The following BICDL1 variants were observed in gnomAD, a reference collection of about 807,000 sequenced individuals.
BICDL1 encodes the protein BICD family like cargo adaptor 1.
A neutral mutation model predicts 76.8 loss-of-function variants in BICDL1; 20 were observed. The observed-to-expected ratio is 0.26, with a 90% confidence interval of 0.18 to 0.38. The LOEUF (loss-of-function observed/expected upper bound fraction) is 0.38, where lower values mean the gene tolerates loss of function less well. Among genes scored for constraint, BICDL1 ranks in the 10% least tolerant of loss-of-function variants. The probability of loss-of-function intolerance (pLI) is 1.00; values close to 1 mark genes in which losing one functional copy is unlikely to be tolerated. For missense variants in BICDL1, 700 were observed against 798.6 expected (o/e 0.88, Z 1.49); for synonymous variants, 383 against 337.1 (o/e 1.14, Z -1.49).
intron 7 of BICDL1, among the ~76,000 whole-genome samples, chr12:120,075,130 T>G (rs1312163678): frequency 2.0e-5 from 3 of 152,218 alleles, no homozygotes; most frequent in Non-Finnish European, 2.9e-5. Flanking sequence ...AAAGGACTTA[T>G]AGGCAGCCCC....
intron 8 of BICDL1, among the ~76,000 whole-genome samples, chr12:120,089,619 T>C (rs1224828262): frequency 2.0e-5 from 3 of 152,020 alleles, no homozygotes; most frequent in Non-Finnish European, 4.4e-5. Context: ...CGATCTCAGG[T>C]GATCCACCCG....
At chr12:120,084,521 A>G (rs1874245778) in intron 8 of BICDL1, among the ~76,000 whole-genome samples, 1 of 152,190 alleles carries the variant, frequency 6.6e-6, no homozygotes, top group African/African-American at 2.4e-5. Flanking sequence ...CTTGGAAACA[A>G]TGTGTAAATA....
Position 119,990,102 on chromosome 12 carries a change from C to T in BICDL1, c.234C>T (p.Ala78=). 6.5e-7 allele frequency: 1 copy of T among 1,549,074 alleles called. No homozygotes were observed. Among genetic ancestry groups the T allele is most frequent in the Non-Finnish European group, 8.7e-7 (1 of 1,146,736 alleles). The stretch of plus-strand genomic sequence containing the variant: ...CCGACCCCGGGGAACACCCTCAGGC[C>T]GAGCCTGGGTCTCTGGCCGAGGGGG... ...RPSDPGEHPQ[A]EPGSLAEGAG... The change falls in exon 1 of 10, where the codon GCC becomes GCT. Residue 78 remains alanine (A), a synonymous_variant. Coordinates refer to ENST00000548673, the MANE Select transcript of BICDL1 (RefSeq NM_001367886.1).
rs2138948374 is a variant in BICDL1 at position 120,072,532 on chromosome 12, G to A, written c.1111G>A (p.Ala371Thr). The A allele has an allele frequency of 6.2e-7, 1 of 1,614,136 alleles. No homozygotes were observed. The highest frequency in any genetic ancestry group is 1.7e-5 in the Admixed American group (1 of 60,030). Residue 371 changes from alanine to threonine, a missense_variant, in exon 6 of 10, where the codon GCC becomes ACC. Ala to Thr is a moderately conservative substitution (Grantham distance 58, BLOSUM62 0). Around this residue, in one of 3 missense-constraint regions of BICDL1, gnomAD observed 455 missense variants for 548.7 expected, o/e 0.83. Coordinates refer to ENST00000548673, the MANE Select transcript of BICDL1 (RefSeq NM_001367886.1). ...REQLRLQLWE[A>T]YCQVRYLCSH... Reference sequence around the variant, plus strand: ...ACAGCTGAGACTGCAGCTCTGGGAAGCCTACTGCCAGGTTCGCTATCTGTG... The same window carrying A: ...ACAGCTGAGACTGCAGCTCTGGGAAACCTACTGCCAGGTTCGCTATCTGTG...
chr12:120,032,745 A>ATTTTTT (rs35727779), intron 2 of BICDL1, among the ~76,000 whole-genome samples: 1 of 124,492 alleles, frequency 8.0e-6, no homozygotes, highest in Non-Finnish European at 1.6e-5. Flanking sequence ...TACATCTATA[A>ATTTTTT]TTTTTTTTTT....
At chr12:120,055,446 T>C (rs1246380887) in intron 2 of BICDL1, among the ~76,000 whole-genome samples, 3 of 152,136 alleles carry the variant, frequency 2.0e-5, no homozygotes, top group Admixed American at 6.6e-5. Flanking sequence ...CTTTGTTCAG[T>C]GGGGAGGAAG....
At chr12:120,075,569 G>A (rs1402263740) in intron 7 of BICDL1, among the ~76,000 whole-genome samples, 1 of 151,942 alleles carries the variant, frequency 6.6e-6, no homozygotes, top group East Asian at 1.9e-4. Context: ...ATTTTTTGTA[G>A]AGATGAGGGT....
At chr12:119,994,513 G>A (rs1198377642) in intron 1 of BICDL1, among the ~76,000 whole-genome samples, 6 of 150,432 alleles carry the variant, frequency 4.0e-5, no homozygotes, top group Admixed American at 6.6e-5. Context: ...TTTTCGAGAC[G>A]GAGTCTCACT....
At chr12:119,997,346 G>C (rs1951671600) in intron 1 of BICDL1, among the ~76,000 whole-genome samples, 1 of 152,114 alleles carries the variant, frequency 6.6e-6, no homozygotes, top group Non-Finnish European at 1.5e-5. Flanking sequence ...TCTTTCATAT[G>C]CAATTTGTTT....
At chr12:120,051,530 A>G (rs1205042890) in intron 2 of BICDL1, among the ~76,000 whole-genome samples, 1 of 151,854 alleles carries the variant, frequency 6.6e-6, no homozygotes, top group Non-Finnish European at 1.5e-5. Flanking sequence ...TATTTTTATT[A>G]GAAAACTATT....
At chr12:120,061,848 T>C in intron 3 of BICDL1, 22 bp downstream of exon 3, 1 of 1,559,652 alleles carries the variant, frequency 6.4e-7, no homozygotes, top group South Asian at 1.1e-5. Flanking sequence ...GACACAGCAG[T>C]GCTGGAAGGT....
chr12:120,032,158 A>G (rs1345959372), intron 2 of BICDL1, among the ~76,000 whole-genome samples: 2 of 152,132 alleles, frequency 1.3e-5, no homozygotes, highest in Non-Finnish European at 2.9e-5. Flanking sequence ...CCTCACATCT[A>G]CCTGTGTTAG....
At chr12:120,017,787 G>A (rs1267770903) in intron 2 of BICDL1, among the ~76,000 whole-genome samples, 1 of 152,180 alleles carries the variant, frequency 6.6e-6, no homozygotes, top group African/African-American at 2.4e-5. Flanking sequence ...TCAATTAGTG[G>A]CAGCTAGTAT....
intron 8 of BICDL1, among the ~76,000 whole-genome samples, chr12:120,081,230 CTCTTTT>C (rs1873956029): frequency 7.3e-6 from 1 of 137,254 alleles, no homozygotes; most frequent in Non-Finnish European, 1.5e-5. Context: ...TTTTTTGCAG[CTCTTTT>C]TCTTATGCAT....
At chr12:120,044,461 T>C (rs993299496) in intron 2 of BICDL1, among the ~76,000 whole-genome samples, 3 of 152,198 alleles carry the variant, frequency 2.0e-5, no homozygotes, top group Admixed American at 2.0e-4. Context: ...CCCCAGCCCA[T>C]TTCCATCCCT....
chr12:120,091,015 T>C, intron 9 of BICDL1: 1 of 1,289,068 alleles, frequency 7.8e-7, no homozygotes, highest in Non-Finnish European at 1.0e-6. Context: ...CCTCCTGCCT[T>C]TGAGGTGAGC....
chr12:120,062,897 A>AT (rs1300317121), intron 3 of BICDL1, among the ~76,000 whole-genome samples: 2 of 151,530 alleles, frequency 1.3e-5, no homozygotes, highest in African/African-American at 4.9e-5. Context: ...TCACCCGTTC[A>AT]TTTTTTCTAG....
intron 8 of BICDL1, among the ~76,000 whole-genome samples, chr12:120,084,341 G>A (rs772990561): frequency 6.6e-6 from 1 of 152,112 alleles, no homozygotes. Context: ...ACAGTAAGAA[G>A]TAAAAATTTT....
At chr12:120,011,433 G>A (rs1951950722) in intron 2 of BICDL1, among the ~76,000 whole-genome samples, 1 of 152,180 alleles carries the variant, frequency 6.6e-6, no homozygotes, top group Non-Finnish European at 1.5e-5. Context: ...TGATTGCTAA[G>A]ATCTTCCAAT....
Sources: gnomAD v4.1 joint callset for allele counts (sites outside exome capture counted in the v4.1 genomes callset) on GRCh38, gnomAD v4.1.1 for gene constraint, gnomAD v4.1.1 regional missense constraint, MANE v1.5 for transcripts, NCBI Gene and HGNC (gene_info 2026-07-23, HGNC 2026-07-21) for gene names.